Variants in CEP128 observed in about 807,000 individuals in gnomAD.
CEP128 encodes centrosomal protein 128kDa.
Under a neutral mutation model 156.7 loss-of-function variants are expected in CEP128, and 132 were observed. The ratio of observed to expected loss-of-function variants is 0.84; its 90% CI spans 0.73 to 0.97. The LOEUF (loss-of-function observed/expected upper bound fraction) is 0.97. Among genes scored for constraint, CEP128 ranks in the 50% least tolerant of loss-of-function variants. CEP128 has a pLI of 0.00. For missense variants in CEP128, 1,252 were observed against 1,281.9 expected (o/e 0.98, Z 0.36); for synonymous variants, 469 against 448.9 (o/e 1.04, Z -0.57).
chr14:80,734,627 A>G (rs531732479), intron 19 of CEP128, among the ~76,000 whole-genome samples: 1 of 152,180 alleles, frequency 6.6e-6, no homozygotes, highest in East Asian at 1.9e-4. Flanking sequence ...AGGCGGGCAG[A>G]TCATGAGGTC....
At chr14:80,582,332 C>T (rs1891626352) in intron 19 of CEP128, among the ~76,000 whole-genome samples, 1 of 152,124 alleles carries the variant, frequency 6.6e-6, no homozygotes, top group African/African-American at 2.4e-5. Context: ...CAATGAGATG[C>T]TATTTGAATA....
intron 13 of CEP128, among the ~76,000 whole-genome samples, chr14:80,816,286 G>A (rs1884851960): frequency 1.3e-5 from 2 of 152,120 alleles, no homozygotes. Context: ...CTTGCTCTCA[G>A]TATAGGGCTA....
At position 80,673,311 on chromosome 14, in the gene CEP128, A is replaced by G. The variant is rs1456953062; in HGVS notation, c.2806+69764T>C. Among the ~76,000 whole-genome samples, 3 of 152,162 alleles carry G rather than the reference A, an allele frequency of 2.0e-5. No homozygotes were observed. The East Asian group carries it at 5.8e-4, about 29-fold the overall frequency. Reference sequence around the variant, plus strand: ...TATATTATCATTTCTTGCCTCAGTAAAACTATTGTTTCATTAGAGTTGATG... The same window carrying G: ...TATATTATCATTTCTTGCCTCAGTAGAACTATTGTTTCATTAGAGTTGATG... On this transcript the variant is annotated intron_variant, in intron 19 of 24. Coordinates refer to ENST00000555265, the MANE Select transcript of CEP128 (RefSeq NM_152446.5).
At chr14:80,870,376 A>G (rs1887967470) in intron 8 of CEP128, among the ~76,000 whole-genome samples, 1 of 152,152 alleles carries the variant, frequency 6.6e-6, no homozygotes, top group African/African-American at 2.4e-5. Flanking sequence ...TAGCACATTA[A>G]AAGAATCATT....
chr14:80,740,208 C>T (rs965262323), intron 19 of CEP128, among the ~76,000 whole-genome samples: 2 of 152,056 alleles, frequency 1.3e-5, no homozygotes, highest in African/African-American at 4.8e-5. Flanking sequence ...ATATTTCACA[C>T]GTCTACTGTG....
intron 19 of CEP128, among the ~76,000 whole-genome samples, chr14:80,618,604 G>A (rs1330425995): frequency 6.6e-6 from 1 of 152,198 alleles, no homozygotes; most frequent in African/African-American, 2.4e-5. Flanking sequence ...CTGGGGAAGA[G>A]CTCCATGAAA....
intron 13 of CEP128, among the ~76,000 whole-genome samples, chr14:80,816,192 T>C (rs1193288336): frequency 1.3e-5 from 2 of 151,828 alleles, no homozygotes; most frequent in African/African-American, 4.9e-5. Flanking sequence ...TCACAAGCTA[T>C]TCCCATCCTG....
intron 21 of CEP128, among the ~76,000 whole-genome samples, chr14:80,557,780 T>C (rs1248475365): frequency 1.3e-5 from 2 of 152,150 alleles, no homozygotes; most frequent in African/African-American, 2.4e-5. Context: ...TACTCACAAA[T>C]AAACATTTCA....
intron 19 of CEP128, among the ~76,000 whole-genome samples, chr14:80,730,185 A>G (rs1199468911): frequency 2.0e-5 from 3 of 152,332 alleles, no homozygotes; most frequent in East Asian, 3.9e-4. Context: ...TTGGCATTTC[A>G]TTGCAACGAA....
At chr14:80,716,520 T>C (rs1229826605) in intron 19 of CEP128, among the ~76,000 whole-genome samples, 2 of 152,224 alleles carry the variant, frequency 1.3e-5, no homozygotes, top group South Asian at 2.1e-4. Flanking sequence ...TCCCTTATGA[T>C]TGACTTTTCA....
At chr14:80,664,023 G>A (rs10143950) in intron 19 of CEP128, among the ~76,000 whole-genome samples, 1 of 152,056 alleles carries the variant, frequency 6.6e-6, no homozygotes, top group Non-Finnish European at 1.5e-5. Flanking sequence ...ACCCATATCT[G>A]CCCCTGGCAG....
At chr14:80,499,125 C>A (rs1162043351) in intron 24 of CEP128, among the ~76,000 whole-genome samples, 1 of 152,170 alleles carries the variant, frequency 6.6e-6, no homozygotes, top group Non-Finnish European at 1.5e-5. Flanking sequence ...GGACAAGAAA[C>A]AATTTTATTG....
At chr14:80,495,340 A>C (rs1887456975), downstream of CEP128, among the ~76,000 whole-genome samples, 1 of 152,192 alleles carries the variant, frequency 6.6e-6, no homozygotes, top group Admixed American at 6.6e-5. Context: ...CAAGATAGGA[A>C]AAATCCTCAG....
At chr14:80,530,365 A>G (rs758328556) in intron 22 of CEP128, among the ~76,000 whole-genome samples, 4 of 152,250 alleles carry the variant, frequency 2.6e-5, no homozygotes, top group Admixed American at 6.5e-5. Context: ...ATGAAATATG[A>G]AATGTGAAAT....
chr14:80,564,283 T>A (rs1890819020), intron 20 of CEP128, among the ~76,000 whole-genome samples: 1 of 152,216 alleles, frequency 6.6e-6, no homozygotes, highest in Non-Finnish European at 1.5e-5. Context: ...TGGATTACAA[T>A]GGAGCAGTGC....
At chr14:80,814,926 C>T (rs1180595511) in intron 13 of CEP128, among the ~76,000 whole-genome samples, 4 of 152,082 alleles carry the variant, frequency 2.6e-5, no homozygotes, top group South Asian at 2.1e-4. Flanking sequence ...GAAGTGGTGG[C>T]GCTCACCTGT....
intron 19 of CEP128, among the ~76,000 whole-genome samples, chr14:80,667,731 G>GC (rs1190379445): frequency 6.6e-6 from 1 of 151,830 alleles, no homozygotes; most frequent in Non-Finnish European, 1.5e-5. Flanking sequence ...GGTGGTGGGT[G>GC]CCTGTAGTCC....
chr14:80,487,481 A>C (rs1887193325), downstream of CEP128, among the ~76,000 whole-genome samples: 1 of 152,206 alleles, frequency 6.6e-6, no homozygotes, highest in Non-Finnish European at 1.5e-5. Flanking sequence ...ACAGAAAGTT[A>C]ACAAGGATAC....
intron 19 of CEP128, among the ~76,000 whole-genome samples, chr14:80,599,256 A>C (rs930535560): frequency 6.8e-6 from 1 of 147,116 alleles, no homozygotes. Flanking sequence ...CCTAGTACAC[A>C]GTCATATTCT....
Sources: gnomAD v4.1 joint callset for allele counts (sites outside exome capture counted in the v4.1 genomes callset) on GRCh38, gnomAD v4.1.1 for gene constraint, MANE v1.5 for transcripts, NCBI Gene and HGNC (gene_info 2026-07-23, HGNC 2026-07-21) for gene names.